The following NUP58 variants were observed in gnomAD, a reference collection of about 807,000 sequenced individuals.
The protein encoded by NUP58 is nucleoporin p58/p45.
Under a neutral mutation model 70.1 loss-of-function variants are expected in NUP58, and 17 were observed. The ratio of observed to expected loss-of-function variants is 0.24; its 90% CI spans 0.17 to 0.36. The LOEUF (loss-of-function observed/expected upper bound fraction) is 0.36, where lower values mean the gene tolerates loss of function less well. Among genes scored for constraint, NUP58 ranks in the 10% least tolerant of loss-of-function variants. The probability of loss-of-function intolerance (pLI) is 1.00; values close to 1 mark genes in which losing one functional copy is unlikely to be tolerated. For synonymous variants in NUP58, 275 were observed against 257.6 expected (o/e 1.07, Z -0.65); for missense variants, 644 against 701.5 (o/e 0.92, Z 0.93).
At chr13:25,325,398 C>A (rs918371218) in intron 10 of NUP58, among the ~76,000 whole-genome samples, 1 of 152,016 alleles carries the variant, frequency 6.6e-6, no homozygotes, top group Non-Finnish European at 1.5e-5. Flanking sequence ...ATAGGTAATA[C>A]GTGTTCTGGA....
downstream of NUP58, among the ~76,000 whole-genome samples, chr13:25,345,467 G>A (rs1415251892): frequency 1.3e-5 from 2 of 151,492 alleles, no homozygotes; most frequent in Non-Finnish European, 2.9e-5. Context: ...TGTAAAGAGC[G>A]TTATAAAGAA....
At chr13:25,348,099 C>G (rs1422630127) in intron 3 of NUP58, among the ~76,000 whole-genome samples, 1 of 152,046 alleles carries the variant, frequency 6.6e-6, no homozygotes, top group South Asian at 2.1e-4. Context: ...GTGTGGTGGG[C>G]GTGATTGAGG....
chr13:25,315,814 T>C (rs999828185), intron 6 of NUP58, among the ~76,000 whole-genome samples: 8 of 152,194 alleles, frequency 5.3e-5, no homozygotes, highest in Non-Finnish European at 8.8e-5. Flanking sequence ...AGTAAAACAC[T>C]GGGCATTTAT....
At chr13:25,334,265 C>T in intron 13 of NUP58, 1 of 985,218 alleles carries the variant, frequency 1.0e-6, no homozygotes, top group Non-Finnish European at 1.2e-6. Context: ...TTAGGCTTTT[C>T]AGTATAATTT....
At chr13:25,305,526 C>T (rs1431166348) in intron 1 of NUP58, among the ~76,000 whole-genome samples, 2 of 152,022 alleles carry the variant, frequency 1.3e-5, no homozygotes, top group Non-Finnish European at 2.9e-5. Flanking sequence ...TCTCCTGCCT[C>T]GCCTTCATAT....
At chr13:25,302,041 C>T (rs954870220) in intron 1 of NUP58, among the ~76,000 whole-genome samples, 161 bp downstream of exon 1, 6 of 152,204 alleles carry the variant, frequency 3.9e-5, no homozygotes, top group Non-Finnish European at 8.8e-5. Context: ...GGCCTCTCGC[C>T]GCGGTACCCG....
chr13:25,347,648 T>C, intron 3 of NUP58, among the ~76,000 whole-genome samples: 1 of 152,236 alleles, frequency 6.6e-6, no homozygotes, highest in Non-Finnish European at 1.5e-5. Context: ...TTTTAAAAAT[T>C]GCCCTCATTA....
chr13:25,323,445 A>G (rs1367144959), intron 9 of NUP58, among the ~76,000 whole-genome samples: 1 of 152,158 alleles, frequency 6.6e-6, no homozygotes, highest in Non-Finnish European at 1.5e-5. Context: ...GAGAAAAAAA[A>G]ATAAACATTT....
At position 25,307,926 on chromosome 13, in the gene NUP58, C is replaced by A; in HGVS notation, c.228C>A (p.Phe76Leu). The A allele has an allele frequency of 6.2e-7, 1 of 1,614,128 alleles. No homozygotes were observed. Among genetic ancestry groups the A allele is most frequent in the South Asian group, 1.1e-5 (1 of 91,088 alleles). ...TTGGATCTAAACCTGCCACTGGGTT[C>A]ACTCTAGGAGGAACAAATACAGGTG... ...GLFGSKPATG[F>L]TLGGTNTGIA... The change falls in exon 2 of 16, where the codon TTC becomes TTA. Residue 76 changes from phenylalanine (F) to leucine (L), a missense_variant. Physicochemically the swap from Phe to Leu is conservative, Grantham distance 22. Transcript: ENST00000381736.
At chr13:25,307,431 G>A (rs1252908431) in intron 1 of NUP58, among the ~76,000 whole-genome samples, 5 of 151,876 alleles carry the variant, frequency 3.3e-5, no homozygotes, top group East Asian at 3.9e-4. Context: ...GGTCAGGCTG[G>A]TCTCGAACTC....
chr13:25,327,591 C>A, intron 12 of NUP58, 79 bp downstream of exon 12: 6 of 826,220 alleles, frequency 7.3e-6, no homozygotes, highest in East Asian at 5.3e-5. Flanking sequence ...TGTGTCCATG[C>A]TTGATACAGA....
chr13:25,303,537 C>T (rs557191534), intron 1 of NUP58, among the ~76,000 whole-genome samples: 1 of 152,196 alleles, frequency 6.6e-6, no homozygotes, highest in South Asian at 2.1e-4. Context: ...AGCAACATGG[C>T]CTTTTCTCTT....
rs2030781802 is a variant in NUP58, at chr13:25,313,605, T to C, written c.437-9T>C. ...GCCTTTTGAAAGCTTACTATCTCTCTTTTTATAGCATCCACAGGATTTACT... is the reference window on the plus strand; with the variant it reads ...GCCTTTTGAAAGCTTACTATCTCTCCTTTTATAGCATCCACAGGATTTACT... On this transcript the variant is annotated splice_polypyrimidine_tract_variant and intron_variant, in intron 4 of 15. Transcript: ENST00000381736. 1.3e-6 allele frequency: 2 copies of C among 1,487,058 alleles called. No homozygotes were observed. The highest frequency in any genetic ancestry group is 1.8e-6 in the Non-Finnish European group (2 of 1,128,084). 92.1% of individuals were successfully genotyped at this position (1,487,058 alleles called of 1,614,324 possible).
At chr13:25,324,523 A>G (rs2031315525) in intron 9 of NUP58, among the ~76,000 whole-genome samples, 1 of 152,130 alleles carries the variant, frequency 6.6e-6, no homozygotes, top group Non-Finnish European at 1.5e-5. Context: ...AAAAAGAGAA[A>G]CATTCCCTAC....
downstream of NUP58, among the ~76,000 whole-genome samples, chr13:25,343,791 T>G (rs1253901855): frequency 7.2e-6 from 1 of 139,526 alleles, no homozygotes; most frequent in Non-Finnish European, 1.5e-5. Flanking sequence ...CTGTGTAGTA[T>G]TCCACATATA....
In NUP58 at chr13:25,348,420, T is replaced by C. The variant is rs190986977; in HGVS notation, n.322-1142T>C. 8.2e-4 allele frequency among the ~76,000 whole-genome samples: 125 copies of C among 152,290 alleles called. 1 individual carries two copies. The highest frequency in any genetic ancestry group is 9.4e-4 in the Non-Finnish European group (64 of 68,022). ...TATTTCAAAATGTTTGTTTCCTTGT[T>C]TTAATGTGGTTAGTATAAAATGTAT... On this transcript the variant is annotated intron_variant and non_coding_transcript_variant, in intron 3 of 3. Coordinates refer to the NUP58 transcript ENST00000477876.
At chr13:25,329,290 A>G (rs953578068) in intron 12 of NUP58, among the ~76,000 whole-genome samples, 1 of 152,162 alleles carries the variant, frequency 6.6e-6, no homozygotes, top group Non-Finnish European at 1.5e-5. Context: ...ACCCTGCTGA[A>G]CTTGTTTTAT....
In NUP58 at chr13:25,336,489, C is replaced by G. The variant is rs1161584392; in HGVS notation, c.1436-447C>G. On this transcript the variant is annotated intron_variant, in intron 13 of 15. Transcript: ENST00000381736. ...GTCAGTCTCTCTTGATCAATTGAGACTTGACTCTAACACTAAGGAGCTCGA... is the reference window on the plus strand; with the variant it reads ...GTCAGTCTCTCTTGATCAATTGAGAGTTGACTCTAACACTAAGGAGCTCGA... 4 of 341,594 alleles carry G rather than the reference C, an allele frequency of 1.2e-5. No individual in the cohort carries two copies. In the East Asian group the frequency reaches 3.8e-4, roughly 32 times the overall value. 21.2% of individuals were successfully genotyped at this position (341,594 alleles called of 1,614,324 possible).
chr13:25,330,047 T>A (rs1397471691), intron 12 of NUP58, among the ~76,000 whole-genome samples: 2 of 152,204 alleles, frequency 1.3e-5, no homozygotes, highest in African/African-American at 4.8e-5. Context: ...CAGGCTGATC[T>A]TAACTCCTGG....
Sources: allele counts gnomAD v4.1 joint callset (sites outside exome capture counted in the v4.1 genomes callset), GRCh38; gene constraint gnomAD v4.1.1; transcripts MANE v1.5; gene names NCBI Gene and HGNC (gene_info 2026-07-23, HGNC 2026-07-21).